RORA: variants seen among roughly 807,000 people sequenced by gnomAD.
The protein encoded by RORA is nuclear receptor ROR-alpha.
A neutral mutation model predicts 69.5 loss-of-function variants in RORA; 7 were observed. The ratio of observed to expected loss-of-function variants is 0.10; its 90% CI spans 0.06 to 0.19. The LOEUF (loss-of-function observed/expected upper bound fraction) is 0.19, where lower values mean the gene tolerates loss of function less well. Ranked by LOEUF, RORA falls within the 10% of genes least tolerant of loss-of-function variation. RORA has a pLI of 1.00. For synonymous variants in RORA, 261 were observed against 240.8 expected (o/e 1.08, Z -0.78); for missense variants, 457 against 663.0 (o/e 0.69, Z 3.41).
At chr15:60,868,126 G>C (rs1361392452) in intron 1 of RORA, among the ~76,000 whole-genome samples, 1 of 152,160 alleles carries the variant, frequency 6.6e-6, no homozygotes, top group African/African-American at 2.4e-5. Flanking sequence ...CTAGCATGGT[G>C]CCAGAATTTT....
At chr15:60,731,994 A>G (rs781277557) in intron 1 of RORA, among the ~76,000 whole-genome samples, 20 of 152,214 alleles carry the variant, frequency 1.3e-4, no homozygotes, top group Non-Finnish European at 2.6e-4. Flanking sequence ...CGAATAGGCG[A>G]AGGGAGAGCA....
At chr15:60,710,227 G>A (rs1247898124) in intron 1 of RORA, among the ~76,000 whole-genome samples, 2 of 152,128 alleles carry the variant, frequency 1.3e-5, no homozygotes, top group East Asian at 1.9e-4. Flanking sequence ...AGTGGCTCAC[G>A]CTTGTAATTC....
intron 1 of RORA, among the ~76,000 whole-genome samples, chr15:61,029,560 C>A (rs1324688161): frequency 6.6e-6 from 1 of 151,956 alleles, no homozygotes; most frequent in Admixed American, 6.6e-5. Flanking sequence ...TATGTGTAGG[C>A]CAGTTGAGAG....
At chr15:61,078,120 ATACT>A (rs1372931056) in intron 1 of RORA, among the ~76,000 whole-genome samples, 4 of 152,208 alleles carry the variant, frequency 2.6e-5, no homozygotes, top group African/African-American at 9.6e-5. Context: ...ACATCTATTA[ATACT>A]TACTATGTGC....
intron 2 of RORA, among the ~76,000 whole-genome samples, chr15:60,570,026 A>C (rs1201512890): frequency 6.6e-6 from 1 of 152,226 alleles, no homozygotes; most frequent in African/African-American, 2.4e-5. Flanking sequence ...AAAACGAGAG[A>C]AAAGTAAGAC....
intron 1 of RORA, among the ~76,000 whole-genome samples, chr15:60,820,460 A>G (rs2072879285): frequency 6.6e-6 from 1 of 152,132 alleles, no homozygotes; most frequent in Non-Finnish European, 1.5e-5. Context: ...TAAACCTTCT[A>G]TATTTTTATG....
At chr15:60,505,468 A>G in intron 6 of RORA, 40 bp downstream of exon 6, 1 of 1,607,914 alleles carries the variant, frequency 6.2e-7, no homozygotes, top group Non-Finnish European at 8.5e-7. Context: ...CCTTCCCAAT[A>G]TTGCCTCAAT....
intron 1 of RORA, among the ~76,000 whole-genome samples, chr15:60,779,284 ACT>A (rs2072219680): frequency 1.3e-5 from 2 of 152,052 alleles, no homozygotes; most frequent in South Asian, 4.2e-4. Context: ...GGTTGGCCCA[ACT>A]CTTATCTTTT....
intron 1 of RORA, among the ~76,000 whole-genome samples, chr15:60,863,271 A>G (rs921109110): frequency 2.0e-5 from 3 of 152,200 alleles, no homozygotes; most frequent in African/African-American, 4.8e-5. Flanking sequence ...AACAATCACA[A>G]TGCCTGTACA....
At chr15:61,084,740 AC>A (rs2078597187) in intron 1 of RORA, among the ~76,000 whole-genome samples, 1 of 152,076 alleles carries the variant, frequency 6.6e-6, no homozygotes, top group Non-Finnish European at 1.5e-5. Context: ...TGTGTATACA[AC>A]TTCACCAAAA....
chr15:60,693,681 C>T (rs989598606), intron 1 of RORA, among the ~76,000 whole-genome samples: 9 of 152,126 alleles, frequency 5.9e-5, no homozygotes, highest in Non-Finnish European at 1.3e-4. Flanking sequence ...CATGAATGAA[C>T]TCCCATGCAG....
intron 1 of RORA, among the ~76,000 whole-genome samples, chr15:60,883,767 C>T (rs185367070): frequency 7.1e-4 from 108 of 152,152 alleles, no homozygotes; most frequent in African/African-American, 2.5e-3. Flanking sequence ...AGTAAAGGAA[C>T]AGAGAACTTA....
chr15:60,808,089 T>C (rs1467266530), intron 1 of RORA, among the ~76,000 whole-genome samples: 1 of 152,004 alleles, frequency 6.6e-6, no homozygotes, highest in Non-Finnish European at 1.5e-5. Context: ...CTTAATAAAA[T>C]TAAAAAGCTT....
At chr15:61,041,503 G>A (rs535095862) in intron 1 of RORA, among the ~76,000 whole-genome samples, 13 of 152,286 alleles carry the variant, frequency 8.5e-5, no homozygotes, top group Admixed American at 6.5e-4. Context: ...CTCATTTGAA[G>A]CTTATTATAT....
chr15:60,722,488 C>A (rs1037866990), intron 1 of RORA, among the ~76,000 whole-genome samples: 1 of 152,212 alleles, frequency 6.6e-6, no homozygotes, highest in African/African-American at 2.4e-5. Context: ...AGCTCTCTGA[C>A]CTTCCTCTGG....
intron 1 of RORA, among the ~76,000 whole-genome samples, chr15:60,998,924 A>G (rs1050633497): frequency 6.6e-6 from 1 of 152,210 alleles, no homozygotes; most frequent in Admixed American, 6.5e-5. Flanking sequence ...GATCAGGGCT[A>G]TCTCCGCTCA....
chr15:61,074,124 A>G (rs892343680), intron 1 of RORA, among the ~76,000 whole-genome samples: 1 of 152,150 alleles, frequency 6.6e-6, no homozygotes, highest in East Asian at 1.9e-4. Flanking sequence ...GAAGAGCAAA[A>G]AAGCTCCTCC....
chr15:60,697,388 G>T (rs1055022798), intron 1 of RORA, among the ~76,000 whole-genome samples: 8 of 152,084 alleles, frequency 5.3e-5, no homozygotes, highest in African/African-American at 1.9e-4. Context: ...CCACACTGCC[G>T]CTCAAGTGAA....
At position 60,592,276 on chromosome 15, in the gene RORA, C is replaced by T. The variant is rs956156230; in HGVS notation, c.197-60425G>A. 8 of 747,430 alleles carry T rather than the reference C, an allele frequency of 1.1e-5. No homozygotes were observed. In the Admixed American group the frequency reaches 1.9e-4, roughly 17 times the overall value. 46.3% of individuals were successfully genotyped at this position (747,430 alleles called of 1,614,324 possible). A position where few individuals can be genotyped will look rare whatever the true frequency, so the allele number is the denominator to read the frequency against. Reference sequence around the variant, plus strand: ...CTGGCAGGGCCCCCGCGCCGAGCCCCGGGCAGTACGTGCGTTCGGGCAGGC... The same window carrying T: ...CTGGCAGGGCCCCCGCGCCGAGCCCTGGGCAGTACGTGCGTTCGGGCAGGC... On this transcript the variant is annotated intron_variant, in intron 2 of 10. Coordinates refer to ENST00000335670, the MANE Select transcript of RORA (RefSeq NM_134261.3).
Sources: allele counts gnomAD v4.1 joint callset (sites outside exome capture counted in the v4.1 genomes callset), GRCh38; gene constraint gnomAD v4.1.1; transcripts MANE v1.5; gene names NCBI Gene and HGNC (gene_info 2026-07-23, HGNC 2026-07-21).